MACROD2: variants seen among roughly 807,000 people sequenced by gnomAD.
MACROD2 encodes the protein mono-ADP ribosylhydrolase 2.
A neutral mutation model predicts 70.4 loss-of-function variants in MACROD2; 36 were observed. The observed-to-expected ratio is 0.51, with a 90% CI of 0.39 to 0.68. The LOEUF (loss-of-function observed/expected upper bound fraction) is 0.68. Among genes scored for constraint, MACROD2 ranks in the 30% least tolerant of loss-of-function variants. MACROD2 has a pLI of 0.00. For missense variants in MACROD2, 496 were observed against 538.4 expected (o/e 0.92, Z 0.78); for synonymous variants, 172 against 178.8 (o/e 0.96, Z 0.30).
At chr20:14,597,965 T>C (rs1388056127) in intron 4 of MACROD2, among the ~76,000 whole-genome samples, 3 of 152,128 alleles carry the variant, frequency 2.0e-5, no homozygotes, top group Non-Finnish European at 4.4e-5. Flanking sequence ...TGTGAGTAAT[T>C]AAAAATATAA....
chr20:15,964,627 C>T (rs2066112115), intron 12 of MACROD2, among the ~76,000 whole-genome samples: 1 of 152,058 alleles, frequency 6.6e-6, no homozygotes, highest in Non-Finnish European at 1.5e-5. Flanking sequence ...AAGGATTTCA[C>T]GTACATATTC....
intron 8 of MACROD2, among the ~76,000 whole-genome samples, chr20:15,590,967 G>GAAAT (rs1447843777): frequency 1.3e-5 from 2 of 150,386 alleles, no homozygotes; most frequent in Admixed American, 6.7e-5. Context: ...GAAAAAGAAA[G>GAAAT]AAAGAAAGAA....
At chr20:14,267,147 C>T (rs2082151003) in intron 3 of MACROD2, among the ~76,000 whole-genome samples, 1 of 152,040 alleles carries the variant, frequency 6.6e-6, no homozygotes, top group African/African-American at 2.4e-5. Context: ...GTTAGTGGCC[C>T]TATATGTAAG....
chr20:15,110,023 C>T (rs1265319174), intron 5 of MACROD2, among the ~76,000 whole-genome samples: 1 of 151,984 alleles, frequency 6.6e-6, no homozygotes, highest in Non-Finnish European at 1.5e-5. Context: ...TGGTTAAGCC[C>T]TTAGACTGTA....
chr20:15,664,858 C>T (rs2049876250), intron 8 of MACROD2, among the ~76,000 whole-genome samples: 1 of 152,160 alleles, frequency 6.6e-6, no homozygotes, highest in South Asian at 2.1e-4. Flanking sequence ...AGGTATACTC[C>T]ACCTTCAGTG....
intron 5 of MACROD2, among the ~76,000 whole-genome samples, chr20:15,203,059 A>C (rs1474225402): frequency 4.6e-5 from 7 of 152,174 alleles, no homozygotes; most frequent in Non-Finnish European, 1.0e-4. Flanking sequence ...TTCTTTGTTC[A>C]TATTGGGATG....
intron 3 of MACROD2, among the ~76,000 whole-genome samples, chr20:14,390,575 C>A (rs11699008): frequency 6.6e-6 from 1 of 152,036 alleles, no homozygotes; most frequent in African/African-American, 2.4e-5. Flanking sequence ...AATAGAGAAC[C>A]CAGAGATAAG....
intron 8 of MACROD2, among the ~76,000 whole-genome samples, chr20:15,677,086 T>C (rs144076026): frequency 6.6e-6 from 1 of 152,218 alleles, no homozygotes; most frequent in Non-Finnish European, 1.5e-5. Flanking sequence ...AAAAGATAAT[T>C]ACTAGCTATG....
chr20:15,894,752 T>C (rs561710883), intron 10 of MACROD2, among the ~76,000 whole-genome samples: 2 of 152,240 alleles, frequency 1.3e-5, no homozygotes, highest in Non-Finnish European at 2.9e-5. Flanking sequence ...ATGGCCATCG[T>C]AGATTATGCA....
chr20:15,952,011 GC>G (rs1179725575), intron 12 of MACROD2, among the ~76,000 whole-genome samples: 8 of 152,102 alleles, frequency 5.3e-5, no homozygotes, highest in African/African-American at 1.9e-4. Context: ...AATCATGGGG[GC>G]AGGTGTTTCC....
intron 3 of MACROD2, among the ~76,000 whole-genome samples, chr20:14,422,335 A>G (rs1176215774): frequency 1.3e-5 from 2 of 152,192 alleles, no homozygotes; most frequent in Admixed American, 1.3e-4. Flanking sequence ...TGGATGACAT[A>G]TAGTTGGATC....
Position 16,050,109 on chromosome 20 carries a change from C to T in MACROD2, c.*233C>T, listed in dbSNP as rs2067440240. The stretch of plus-strand genomic sequence containing the variant: ...GGTGGAGGGACCCATGTTGACGCAT[C>T]TTTCAGGCATTATCCTTGTAATTTC... On this transcript the variant is annotated 3_prime_UTR_variant, in exon 18 of 18. Transcript: ENST00000684519. 2 of 419,508 alleles carry T rather than the reference C, an allele frequency of 4.8e-6. No homozygotes were observed. 26.0% of individuals were successfully genotyped at this position (419,508 alleles called of 1,614,324 possible).
intron 8 of MACROD2, among the ~76,000 whole-genome samples, chr20:15,662,485 A>G (rs1489547673): frequency 6.6e-5 from 10 of 152,242 alleles, no homozygotes; most frequent in Admixed American, 4.6e-4. Flanking sequence ...ATAATAAACA[A>G]AAACTTTTAT....
At position 15,717,084 on chromosome 20, in the gene MACROD2, A is replaced by G. The variant is rs16996416; in HGVS notation, c.646-145661A>G. On this transcript the variant is annotated intron_variant, in intron 8 of 17. Transcript: ENST00000684519. ...TTTCTTTCTGACTTAAATACTAAAT[A>G]TATCCTCTGAAATAATTACAGTTGT... Among the ~76,000 whole-genome samples, 1,171 of 152,312 alleles carry G rather than the reference A, an allele frequency of 7.7e-3. 15 individuals are homozygous for G. Among genetic ancestry groups the G allele is most frequent in the African/African-American group, 0.027 (1,113 of 41,570 alleles).
chr20:15,681,230 T>C (rs1362757830), intron 8 of MACROD2, among the ~76,000 whole-genome samples: 1 of 152,252 alleles, frequency 6.6e-6, no homozygotes, highest in Non-Finnish European at 1.5e-5. Flanking sequence ...ATGTAAACTC[T>C]TCTAGCCAAG....
At chr20:14,314,430 A>G (rs1050624602) in intron 3 of MACROD2, among the ~76,000 whole-genome samples, 8 of 152,220 alleles carry the variant, frequency 5.3e-5, no homozygotes, top group African/African-American at 1.9e-4. Flanking sequence ...GTATTATAAG[A>G]TACCAAGAAA....
chr20:15,198,025 A>G (rs1360398658), intron 5 of MACROD2, among the ~76,000 whole-genome samples: 2 of 135,216 alleles, frequency 1.5e-5, no homozygotes, highest in Non-Finnish European at 3.0e-5. Context: ...GCAATGGTTC[A>G]GTCTCAGCTT....
intron 6 of MACROD2, among the ~76,000 whole-genome samples, chr20:15,368,797 C>G (rs956030415): frequency 2.0e-5 from 3 of 152,100 alleles, no homozygotes; most frequent in African/African-American, 7.2e-5. Context: ...GAGATACAGT[C>G]TTTGTGTCTA....
At chr20:15,748,161 C>A (rs1330773914) in intron 8 of MACROD2, among the ~76,000 whole-genome samples, 1 of 152,052 alleles carries the variant, frequency 6.6e-6, no homozygotes, top group African/African-American at 2.4e-5. Flanking sequence ...TTGGCCATTG[C>A]CCTTAAAAAT....
Sources: allele counts gnomAD v4.1 joint callset (sites outside exome capture counted in the v4.1 genomes callset), GRCh38; gene constraint gnomAD v4.1.1; transcripts MANE v1.5; gene names NCBI Gene and HGNC (gene_info 2026-07-23, HGNC 2026-07-21).